The following SEMA6D variants were observed in gnomAD, a reference collection of about 807,000 sequenced individuals.
The protein encoded by SEMA6D is semaphorin 6D, also known as semaphorin-6D.
SEMA6D carries 35 observed loss-of-function variants against 106.6 expected under a neutral mutation model. That is an observed-to-expected ratio of 0.33 (90% CI 0.25 to 0.44). The LOEUF is 0.44. Ranked by LOEUF, SEMA6D falls within the 20% of genes least tolerant of loss-of-function variation. SEMA6D has a pLI of 1.00. For missense variants in SEMA6D, 1,185 were observed against 1,345.9 expected, an observed-to-expected ratio of 0.88 and a Z score of 1.87; for synonymous variants, 499 against 487.7, an observed-to-expected ratio of 1.02 and a Z score of -0.31.
chr15:47,660,059 C>T (rs901938401), intron 4 of SEMA6D, among the ~76,000 whole-genome samples: 2 of 150,960 alleles, frequency 1.3e-5, no homozygotes, highest in Non-Finnish European at 3.0e-5. Context: ...ATAGACTCCA[C>T]TTACCTGAGC....
chr15:47,249,478 C>G (rs1302478291), intron 1 of SEMA6D, among the ~76,000 whole-genome samples: 2 of 151,510 alleles, frequency 1.3e-5, no homozygotes. Context: ...CATCAACCAC[C>G]CCCCTACTCT....
At chr15:47,256,680 G>A (rs561816392) in intron 1 of SEMA6D, among the ~76,000 whole-genome samples, 1 of 152,182 alleles carries the variant, frequency 6.6e-6, no homozygotes, top group African/African-American at 2.4e-5. Flanking sequence ...CCAACATGGT[G>A]AAACCCTGTC....
At chr15:47,467,554 G>A (rs973074685) in intron 2 of SEMA6D, among the ~76,000 whole-genome samples, 1 of 152,120 alleles carries the variant, frequency 6.6e-6, no homozygotes, top group Non-Finnish European at 1.5e-5. Flanking sequence ...TTAGCTAAAT[G>A]GTAGATTGAG....
chr15:47,520,571 A>G (rs1566853180), intron 3 of SEMA6D, among the ~76,000 whole-genome samples: 1 of 152,222 alleles, frequency 6.6e-6, no homozygotes, highest in Non-Finnish European at 1.5e-5. Context: ...ATACATTGCA[A>G]AAGAATAGGA....
At chr15:47,240,369 G>C (rs1679541109) in intron 1 of SEMA6D, among the ~76,000 whole-genome samples, 1 of 152,070 alleles carries the variant, frequency 6.6e-6, no homozygotes. Context: ...ATTATTTTTA[G>C]GTAAAATGAA....
Position 47,765,932 on chromosome 15 carries a change from C to T in SEMA6D, c.1491C>T (p.His497=), listed in dbSNP as rs544316665. The part of the protein sequence containing the change: ...VISLQLDKDH[H]ALYVAFSSCI... ...CATTACAGTTGGATAAAGATCACCA[C>T]GCTTTATATGTGGCGTTCTCTAGCT... The change falls in exon 14 of 19, where the codon CAC becomes CAT. Residue 497 remains histidine (H), a synonymous_variant. Transcript: ENST00000536845. 23 of 1,576,888 alleles carry T rather than the reference C, an allele frequency of 1.5e-5. No individual in the cohort carries two copies. The highest frequency in any genetic ancestry group is 1.1e-4 in the African/African-American group (8 of 73,616).
chr15:47,218,324 C>G (rs2030862304), intron 1 of SEMA6D, among the ~76,000 whole-genome samples: 1 of 152,130 alleles, frequency 6.6e-6, no homozygotes, highest in Admixed American at 6.6e-5. Context: ...CTTCATTTGT[C>G]TGTCTCTTCT....
chr15:47,277,851 G>A (rs2034907113), intron 1 of SEMA6D, among the ~76,000 whole-genome samples: 1 of 148,456 alleles, frequency 6.7e-6, no homozygotes, highest in Non-Finnish European at 1.5e-5. Flanking sequence ...CTATGAGTGA[G>A]AATATGAGGT....
chr15:47,677,831 A>G (rs2078275561), intron 4 of SEMA6D, among the ~76,000 whole-genome samples: 1 of 152,228 alleles, frequency 6.6e-6, no homozygotes, highest in Admixed American at 6.5e-5. Context: ...AATTGCTAGC[A>G]ATTCTCATGA....
chr15:47,329,494 A>C (rs946968448), intron 1 of SEMA6D, among the ~76,000 whole-genome samples: 1 of 152,214 alleles, frequency 6.6e-6, no homozygotes, highest in African/African-American at 2.4e-5. Flanking sequence ...CAAGCCAACA[A>C]AGTAATACTA....
At chr15:47,268,400 C>A (rs2034416499) in intron 1 of SEMA6D, among the ~76,000 whole-genome samples, 2 of 152,126 alleles carry the variant, frequency 1.3e-5, no homozygotes, top group Admixed American at 6.6e-5. Context: ...CCATTCTACC[C>A]TCCTTTGTGC....
chr15:47,199,443 G>T (rs1483749507), intron 1 of SEMA6D, among the ~76,000 whole-genome samples: 1 of 152,146 alleles, frequency 6.6e-6, no homozygotes, highest in Non-Finnish European at 1.5e-5. Context: ...TCTAGGAAGA[G>T]TGTGTGTCTC....
At chr15:47,395,446 A>G (rs544336439) in intron 1 of SEMA6D, 27 of 152,246 alleles carry the variant, frequency 1.8e-4, no homozygotes, top group African/African-American at 6.5e-4. Context: ...ACTGTACATC[A>G]TTTTTCTTTT....
chr15:47,404,463 A>G (rs2146059949), intron 1 of SEMA6D, among the ~76,000 whole-genome samples: 1 of 152,258 alleles, frequency 6.6e-6, no homozygotes, highest in East Asian at 1.9e-4. Flanking sequence ...AAATGCCTGG[A>G]TTCGATCACA....
At chr15:47,697,209 G>GA (rs1367703577) in intron 4 of SEMA6D, among the ~76,000 whole-genome samples, 1 of 152,144 alleles carries the variant, frequency 6.6e-6, no homozygotes, top group Non-Finnish European at 1.5e-5. Flanking sequence ...CAACTTGCAG[G>GA]AAACAAGGGA....
intron 1 of SEMA6D, among the ~76,000 whole-genome samples, chr15:47,404,804 T>C (rs1449180010): frequency 6.6e-6 from 1 of 152,200 alleles, no homozygotes; most frequent in Non-Finnish European, 1.5e-5. Flanking sequence ...ATCAGGCTCA[T>C]ATATGCCAGG....
At chr15:47,538,703 TA>T (rs1238712917) in intron 3 of SEMA6D, among the ~76,000 whole-genome samples, 1 of 152,244 alleles carries the variant, frequency 6.6e-6, no homozygotes, top group South Asian at 2.1e-4. Flanking sequence ...TTTAATGTTC[TA>T]AAAAAATAAG....
chr15:47,472,852 T>C (rs1452548966), intron 3 of SEMA6D, among the ~76,000 whole-genome samples: 1 of 152,202 alleles, frequency 6.6e-6, no homozygotes, highest in Admixed American at 6.5e-5. Context: ...ATCACTTTTT[T>C]TGGGTTGAAG....
intron 3 of SEMA6D, among the ~76,000 whole-genome samples, chr15:47,574,812 A>G (rs2076128345): frequency 6.6e-6 from 1 of 152,216 alleles, no homozygotes; most frequent in Admixed American, 6.5e-5. Context: ...TTTCATTCTC[A>G]GGTCTCTGCT....
Sources: gnomAD v4.1 joint callset for allele counts (sites outside exome capture counted in the v4.1 genomes callset) on GRCh38, gnomAD v4.1.1 for gene constraint, MANE v1.5 for transcripts, NCBI Gene and HGNC (gene_info 2026-07-23, HGNC 2026-07-21) for gene names.